TMEM132D: variants seen among roughly 807,000 people sequenced by gnomAD.
TMEM132D encodes the protein transmembrane protein 132D, also known as mature OL transmembrane protein.
In TMEM132D, 21 loss-of-function variants were observed where a neutral mutation model predicts 62.3. That is an observed-to-expected ratio of 0.34 (90% CI 0.24 to 0.49). The LOEUF is 0.49. Ranked by LOEUF, TMEM132D falls within the 20% of genes least tolerant of loss-of-function variation. TMEM132D has a pLI of 0.99. For synonymous variants in TMEM132D, 621 were observed against 575.6 expected, an observed-to-expected ratio of 1.08 and a Z score of -1.13; for missense variants, 1,346 against 1,402.8, an observed-to-expected ratio of 0.96 and a Z score of 0.65.
chr12:129,613,538 G>A (rs1878833711), intron 2 of TMEM132D, among the ~76,000 whole-genome samples: 1 of 152,206 alleles, frequency 6.6e-6, no homozygotes, highest in Admixed American at 6.5e-5. Flanking sequence ...ATCGCTGCTT[G>A]ACAGAACTCA....
At chr12:129,796,421 T>C (rs551448113) in intron 1 of TMEM132D, among the ~76,000 whole-genome samples, 2 of 152,232 alleles carry the variant, frequency 1.3e-5, no homozygotes. Context: ...CCTGCTCTTT[T>C]TTCTTAATTT....
intron 1 of TMEM132D, among the ~76,000 whole-genome samples, chr12:129,747,569 GACACAC>G (rs142743881): frequency 1.2e-4 from 17 of 144,270 alleles, no homozygotes; most frequent in Non-Finnish European, 2.3e-4. Flanking sequence ...CACACTTTCA[GACACAC>G]ACACACACGC....
chr12:129,599,348 A>C (rs1223805578), intron 2 of TMEM132D, among the ~76,000 whole-genome samples: 2 of 152,220 alleles, frequency 1.3e-5, no homozygotes, highest in Non-Finnish European at 2.9e-5. Flanking sequence ...AATCAGACAA[A>C]AGAAATAATA....
At chr12:129,084,946 T>C in intron 5 of TMEM132D, 2 of 557,398 alleles carry the variant, frequency 3.6e-6, no homozygotes, top group South Asian at 2.5e-5. Context: ...TGTGGCTAGG[T>C]TGGTGGACTC....
intron 4 of TMEM132D, among the ~76,000 whole-genome samples, chr12:129,219,034 C>T (rs980817396): frequency 6.6e-6 from 1 of 152,134 alleles, no homozygotes; most frequent in Admixed American, 6.6e-5. Flanking sequence ...GGAATGGGCT[C>T]CCATGATGTC....
intron 2 of TMEM132D, among the ~76,000 whole-genome samples, chr12:129,607,197 G>T (rs932736106): frequency 6.6e-6 from 1 of 151,976 alleles, no homozygotes; most frequent in Non-Finnish European, 1.5e-5. Context: ...GTTTATTATA[G>T]CGAAATGATA....
rs758249813 is a variant in TMEM132D, at chr12:129,867,059, G to A, written c.79+36202C>T. Among the ~76,000 whole-genome samples the A allele has an allele frequency of 6.6e-6, 1 of 150,820 alleles. No individual in the cohort carries two copies. Among genetic ancestry groups the A allele is most frequent in the South Asian group, 2.2e-4 (1 of 4,610 alleles). ...GCTCAGGAGTTGGAGACCAGACTGG[G>A]CAACACGGAAAAACCCCAAAACCCT... On this transcript the variant is annotated intron_variant, in intron 1 of 8. Transcript: ENST00000422113. The surrounding 1 kb of genome is among the most constrained non-coding windows in gnomAD (Gnocchi z 4.5).
intron 1 of TMEM132D, among the ~76,000 whole-genome samples, chr12:129,747,722 A>G (rs1869852976): frequency 6.7e-6 from 1 of 149,176 alleles, no homozygotes; most frequent in Non-Finnish European, 1.5e-5. Context: ...TCAGACATAC[A>G]CACAGACACA....
intron 1 of TMEM132D, among the ~76,000 whole-genome samples, chr12:129,804,858 T>C (rs1436487863): frequency 1.1e-5 from 1 of 87,224 alleles, no homozygotes; most frequent in Non-Finnish European, 2.4e-5. Context: ...GGATACAAAA[T>C]CAATGTACAA....
At chr12:129,829,892 G>C (rs114171938) in intron 1 of TMEM132D, among the ~76,000 whole-genome samples, 2 of 152,164 alleles carry the variant, frequency 1.3e-5, no homozygotes, top group Admixed American at 6.5e-5. Flanking sequence ...ATCCTGGACT[G>C]CTGCAACCAA....
intron 5 of TMEM132D, among the ~76,000 whole-genome samples, chr12:129,159,008 C>T (rs550829152): frequency 6.5e-4 from 99 of 152,286 alleles, no homozygotes; most frequent in Non-Finnish European, 1.1e-3. Flanking sequence ...GGAGAAACCA[C>T]CTCCATTATC....
chr12:129,456,532 C>T (rs1873472890), intron 3 of TMEM132D, among the ~76,000 whole-genome samples: 2 of 152,142 alleles, frequency 1.3e-5, no homozygotes, highest in South Asian at 4.1e-4. Context: ...TGGAGCTGTC[C>T]CTCCATGTGG....
At chr12:129,114,467 CTTCT>C (rs1875828448) in intron 5 of TMEM132D, among the ~76,000 whole-genome samples, 1 of 151,300 alleles carries the variant, frequency 6.6e-6, no homozygotes, top group African/African-American at 2.4e-5. Flanking sequence ...CATCTCTTCT[CTTCT>C]CCTTCCCTTC....
At chr12:129,405,976 C>T (rs561989505) in intron 3 of TMEM132D, among the ~76,000 whole-genome samples, 1 of 152,252 alleles carries the variant, frequency 6.6e-6, no homozygotes, top group East Asian at 1.9e-4. Context: ...TCAATTAAAT[C>T]CCTCAAACAT....
intron 4 of TMEM132D, among the ~76,000 whole-genome samples, chr12:129,264,107 G>C (rs1265588409): frequency 6.6e-6 from 1 of 152,184 alleles, no homozygotes; most frequent in Non-Finnish European, 1.5e-5. Context: ...GAACTTTTCT[G>C]GTAGGGCAAG....
chr12:129,799,076 C>A (rs1244442198), intron 1 of TMEM132D, among the ~76,000 whole-genome samples: 1 of 151,944 alleles, frequency 6.6e-6, no homozygotes, highest in African/African-American at 2.4e-5. Flanking sequence ...CCAATCCTGT[C>A]CAACACAGTG....
At chr12:129,562,877 C>G (rs923396498) in intron 2 of TMEM132D, among the ~76,000 whole-genome samples, 5 of 152,218 alleles carry the variant, frequency 3.3e-5, no homozygotes, top group African/African-American at 1.2e-4. Flanking sequence ...GAAGACTTCT[C>G]TGATTTAATC....
intron 2 of TMEM132D, among the ~76,000 whole-genome samples, chr12:129,682,011 C>T (rs1880789251): frequency 6.6e-6 from 1 of 152,218 alleles, no homozygotes; most frequent in African/African-American, 2.4e-5. Flanking sequence ...CTATCTTGCA[C>T]TAGAATGTGC....
intron 2 of TMEM132D, among the ~76,000 whole-genome samples, chr12:129,699,493 C>A (rs1881319894): frequency 6.6e-6 from 1 of 152,178 alleles, no homozygotes; most frequent in Non-Finnish European, 1.5e-5. Flanking sequence ...TTTGAAAAGC[C>A]TTCTTGGATA....
Sources: gnomAD v4.1 joint callset for allele counts (sites outside exome capture counted in the v4.1 genomes callset) on GRCh38, gnomAD v4.1.1 for gene constraint, Gnocchi (gnomAD v3.1) non-coding constraint, MANE v1.5 for transcripts, NCBI Gene and HGNC (gene_info 2026-07-23, HGNC 2026-07-21) for gene names.